Variants in ANKS1B observed in about 807,000 individuals in gnomAD.
ANKS1B encodes ankyrin repeat and sterile alpha motif domain-containing protein 1B.
Under a neutral mutation model 148.3 loss-of-function variants are expected in ANKS1B, and 36 were observed. That is an observed-to-expected ratio of 0.24 (90% CI 0.19 to 0.32). The LOEUF (loss-of-function observed/expected upper bound fraction) is 0.32, where lower values mean the gene tolerates loss of function less well. Ranked by LOEUF, ANKS1B falls within the 10% of genes least tolerant of loss-of-function variation. ANKS1B has a pLI of 1.00. For synonymous variants in ANKS1B, 542 were observed against 560.8 expected (o/e 0.97, Z 0.47); for missense variants, 1,157 against 1,542.6 (o/e 0.75, Z 4.19).
chr12:99,791,269 T>C (rs2065620536), intron 4 of ANKS1B, among the ~76,000 whole-genome samples: 2 of 151,974 alleles, frequency 1.3e-5, no homozygotes, highest in Admixed American at 6.6e-5. Flanking sequence ...AGTACCCAGA[T>C]ATATAAAGCA....
At chr12:98,960,544 G>A (rs2099869601) in intron 17 of ANKS1B, among the ~76,000 whole-genome samples, 1 of 152,144 alleles carries the variant, frequency 6.6e-6, no homozygotes. Context: ...GGGTACAAAC[G>A]AGCCCAGACT....
chr12:99,198,084 C>T (rs2081601218), intron 14 of ANKS1B, among the ~76,000 whole-genome samples: 1 of 152,064 alleles, frequency 6.6e-6, no homozygotes, highest in South Asian at 2.1e-4. Context: ...GGTTTCACTC[C>T]TTCTCTAAAG....
chr12:99,102,177 A>G (rs1233776864), intron 15 of ANKS1B, among the ~76,000 whole-genome samples: 3 of 152,212 alleles, frequency 2.0e-5, no homozygotes. Flanking sequence ...TAAATATGGC[A>G]GAGAAGTCTT....
intron 17 of ANKS1B, among the ~76,000 whole-genome samples, chr12:99,027,760 C>T (rs970707722): frequency 6.6e-6 from 1 of 152,222 alleles, no homozygotes; most frequent in Non-Finnish European, 1.5e-5. Context: ...AATTTATTAA[C>T]TTCTCTGAAC....
intron 16 of ANKS1B, among the ~76,000 whole-genome samples, chr12:99,082,204 A>G (rs1247274943): frequency 6.6e-6 from 1 of 152,134 alleles, no homozygotes; most frequent in Non-Finnish European, 1.5e-5. Context: ...GGTGAGATGG[A>G]AAATAATGAA....
At chr12:99,349,719 A>G (rs1025634421) in intron 12 of ANKS1B, among the ~76,000 whole-genome samples, 8 of 152,160 alleles carry the variant, frequency 5.3e-5, no homozygotes, top group Middle Eastern at 3.4e-3. Flanking sequence ...AAACAGCTCT[A>G]CAGTAATCAT....
At chr12:99,080,358 G>T (rs555710230) in intron 16 of ANKS1B, among the ~76,000 whole-genome samples, 1 of 152,316 alleles carries the variant, frequency 6.6e-6, no homozygotes, top group South Asian at 2.1e-4. Context: ...GGAGGTCGCA[G>T]CAGAGAAACA....
intron 16 of ANKS1B, among the ~76,000 whole-genome samples, chr12:99,081,822 G>A (rs1289298563): frequency 6.6e-6 from 1 of 152,064 alleles, no homozygotes; most frequent in African/African-American, 2.4e-5. Context: ...TAAAATTGAG[G>A]TGCTCTGATT....
intron 12 of ANKS1B, among the ~76,000 whole-genome samples, chr12:99,342,544 C>G (rs1483431365): frequency 6.6e-6 from 1 of 151,982 alleles, no homozygotes; most frequent in Non-Finnish European, 1.5e-5. Flanking sequence ...AGCTGTGATG[C>G]CTTCTAAACT....
chr12:99,564,002 T>C (rs1200304010), intron 9 of ANKS1B, among the ~76,000 whole-genome samples: 1 of 152,214 alleles, frequency 6.6e-6, no homozygotes, highest in Non-Finnish European at 1.5e-5. Context: ...CTACATTTTA[T>C]AGTTTTCTAG....
At chr12:99,387,221 T>C (rs2093898797) in intron 12 of ANKS1B, among the ~76,000 whole-genome samples, 1 of 152,202 alleles carries the variant, frequency 6.6e-6, no homozygotes, top group African/African-American at 2.4e-5. Context: ...AAAATTCATA[T>C]GTTTAAATAC....
intron 8 of ANKS1B, among the ~76,000 whole-genome samples, chr12:99,771,016 C>CA (rs1047295129): frequency 3.3e-5 from 5 of 151,586 alleles, no homozygotes; most frequent in South Asian, 2.1e-4. Flanking sequence ...CTTTGGCTTA[C>CA]AAAAAAAATT....
At chr12:99,520,969 A>G (rs2096869751) in intron 9 of ANKS1B, among the ~76,000 whole-genome samples, 1 of 151,890 alleles carries the variant, frequency 6.6e-6, no homozygotes, top group Non-Finnish European at 1.5e-5. Flanking sequence ...CTAATTTTGT[A>G]TTTTTAGTAG....
chr12:98,795,684 CAAAACAAAACAA>C, intron 22 of ANKS1B: 2 of 447,298 alleles, frequency 4.5e-6, no homozygotes, highest in South Asian at 3.2e-5. Flanking sequence ...AAAAACAAAA[CAAAACAAAACAA>C]AAAACAAAAC....
At chr12:98,918,252 G>A (rs2099797038) in intron 17 of ANKS1B, among the ~76,000 whole-genome samples, 1 of 152,208 alleles carries the variant, frequency 6.6e-6, no homozygotes, top group African/African-American at 2.4e-5. Context: ...ACACTTGGAA[G>A]CAGAAAGAGA....
At position 98,919,166 on chromosome 12, in the gene ANKS1B, A is replaced by G. The variant is rs115882058; in HGVS notation, c.2779-87030T>C. 2.9e-3 allele frequency among the ~76,000 whole-genome samples: 448 copies of G among 152,286 alleles called. 6 individuals are homozygous for G. Among genetic ancestry groups the G allele is most frequent in the African/African-American group, 8.2e-3 (341 of 41,558 alleles). ...CTCTGTTTCTTTTCCTACTTTTGGA[A>G]AATGTTTTTGCTTTTATATTTAACT... On this transcript the variant is annotated intron_variant, in intron 17 of 26. Transcript: ENST00000683438.
chr12:99,627,250 T>C (rs1391778629), intron 9 of ANKS1B, among the ~76,000 whole-genome samples: 1 of 152,204 alleles, frequency 6.6e-6, no homozygotes, highest in East Asian at 1.9e-4. Flanking sequence ...TTTACCTTTT[T>C]ATGTTTACTT....
chr12:99,818,431 A>C (rs2082131963), intron 2 of ANKS1B, among the ~76,000 whole-genome samples: 1 of 151,840 alleles, frequency 6.6e-6, no homozygotes. Context: ...GGACCACAAT[A>C]ACTTATTGAA....
At chr12:99,301,398 T>C (rs1026079900) in intron 12 of ANKS1B, among the ~76,000 whole-genome samples, 2 of 152,190 alleles carry the variant, frequency 1.3e-5, no homozygotes, top group Admixed American at 6.6e-5. Flanking sequence ...AACTAAGTTA[T>C]CTTTTTAATA....
Sources: allele counts gnomAD v4.1 joint callset (sites outside exome capture counted in the v4.1 genomes callset), GRCh38; gene constraint gnomAD v4.1.1; transcripts MANE v1.5; gene names NCBI Gene and HGNC (gene_info 2026-07-23, HGNC 2026-07-21).